The following KCNC4 variants were observed in gnomAD, a reference collection of about 807,000 sequenced individuals.
The protein encoded by KCNC4 is potassium voltage-gated channel subfamily C member 4, also known as voltage-gated potassium channel KCNC4.
Under a neutral mutation model 42.8 loss-of-function variants are expected in KCNC4, and 23 were observed. The observed-to-expected ratio is 0.54, with a 90% CI of 0.39 to 0.76. The LOEUF (loss-of-function observed/expected upper bound fraction) is 0.76, where lower values mean the gene tolerates loss of function less well. Among genes scored for constraint, KCNC4 ranks in the 30% least tolerant of loss-of-function variants. The pLI is 0.00. For synonymous variants in KCNC4, 422 were observed against 393.5 expected (o/e 1.07, Z -0.86); for missense variants, 751 against 898.2 (o/e 0.84, Z 2.10).
intron 3 of KCNC4, among the ~76,000 whole-genome samples, chr1:110,228,111 C>T (rs1035137379): frequency 6.6e-6 from 1 of 152,154 alleles, no homozygotes; most frequent in Non-Finnish European, 1.5e-5. Context: ...ACTTTCTCCA[C>T]GCCGTACCGT....
chr1:110,250,290 C>T (rs148070787), downstream of KCNC4, among the ~76,000 whole-genome samples: 3 of 152,306 alleles, frequency 2.0e-5, no homozygotes, highest in East Asian at 5.8e-4. Flanking sequence ...CCTCCATGTC[C>T]TCCAGGCTGC....
chr1:110,267,629 G>A (rs1356567756), intron 1 of KCNC4, among the ~76,000 whole-genome samples: 1 of 152,170 alleles, frequency 6.6e-6, no homozygotes, highest in East Asian at 1.9e-4. Flanking sequence ...CTTTTAGCAA[G>A]ATGCGAACCT....
chr1:110,268,231 C>CT (rs1171479199), intron 1 of KCNC4, among the ~76,000 whole-genome samples: 6 of 152,352 alleles, frequency 3.9e-5, no homozygotes, highest in Admixed American at 6.5e-5. Context: ...ACAAAGGCAG[C>CT]TTTAGACACC....
At chr1:110,260,052 G>C (rs1659398411) in intron 1 of KCNC4, among the ~76,000 whole-genome samples, 1 of 152,280 alleles carries the variant, frequency 6.6e-6, no homozygotes, top group African/African-American at 2.4e-5. Context: ...CTCTTTGACT[G>C]TTCATCTGTA....
chr1:110,212,218 A>G (rs1298350915), intron 1 of KCNC4, 41 bp downstream of exon 1: 1 of 1,418,008 alleles, frequency 7.1e-7, no homozygotes, highest in East Asian at 2.8e-5. Flanking sequence ...TTGGGTCTGC[A>G]AGGGGTCCGT....
intron 3 of KCNC4, chr1:110,232,332 G>C (rs1176493898): frequency 1.2e-6 from 2 of 1,609,222 alleles, no homozygotes; most frequent in Non-Finnish European, 1.7e-6. Context: ...GGCACGACAT[G>C]GCATCATACT....
chr1:110,279,522 A>G (rs535987207), intron 1 of KCNC4, among the ~76,000 whole-genome samples: 1 of 152,256 alleles, frequency 6.6e-6, no homozygotes, highest in Non-Finnish European at 1.5e-5. Context: ...ACTCCCTAAA[A>G]TTGGAATGGA....
intron 1 of KCNC4, among the ~76,000 whole-genome samples, chr1:110,278,244 C>CTAAA (rs1404279564): frequency 2.6e-5 from 4 of 152,126 alleles, no homozygotes; most frequent in African/African-American, 4.8e-5. Context: ...AAAGAACATA[C>CTAAA]TAAATGTCCC....
At position 110,214,287 on chromosome 1, in the gene KCNC4, T is replaced by A. The variant is rs560834624; in HGVS notation, c.678+2110T>A. ...AAGTTTCTTGCCAAAGACATTTAAC[T>A]AATAGCAGAGGCAGGAAACCACCCC... is the stretch of plus-strand genomic sequence containing the variant. On this transcript the variant is annotated intron_variant, in intron 1 of 3. Coordinates refer to ENST00000438661, the MANE Select transcript of KCNC4 (RefSeq NM_001039574.3). Among the ~76,000 whole-genome samples the A allele has an allele frequency of 5.3e-5, 8 of 152,324 alleles. No individual in the cohort carries two copies. In the South Asian group the frequency reaches 1.7e-3, roughly 32 times the overall value.
At chr1:110,252,236 G>C (rs1659261529), downstream of KCNC4, among the ~76,000 whole-genome samples, 1 of 152,234 alleles carries the variant, frequency 6.6e-6, no homozygotes. Context: ...TTCTGTGACT[G>C]TCAGTGTGCC....
chr1:110,269,112 A>G (rs1002113070), intron 1 of KCNC4, among the ~76,000 whole-genome samples: 4 of 152,166 alleles, frequency 2.6e-5, no homozygotes, highest in Non-Finnish European at 5.9e-5. Context: ...TCAGTCTGTG[A>G]CAGGGCCATC....
At chr1:110,237,872 C>T (rs1363299260), downstream of KCNC4, 1 of 152,322 alleles carries the variant, frequency 6.6e-6, no homozygotes, top group Non-Finnish European at 1.5e-5. Flanking sequence ...TGCCCACCCT[C>T]GTGGGGCTCC....
chr1:110,264,214 G>T (rs75976014), intron 1 of KCNC4, among the ~76,000 whole-genome samples: 1 of 152,012 alleles, frequency 6.6e-6, no homozygotes, highest in East Asian at 1.9e-4. Flanking sequence ...GCAAGGAGAC[G>T]GAGGTTACAG....
chr1:110,241,890 A>G (rs1352258867), exon 4 of KCNC4: 1 of 152,188 alleles, frequency 6.6e-6, no homozygotes, highest in Admixed American at 6.5e-5. Context: ...TTCCTTATTA[A>G]TGTTTTTACC....
At chr1:110,227,047 C>T (rs2101027475) in intron 3 of KCNC4, among the ~76,000 whole-genome samples, 1 of 152,280 alleles carries the variant, frequency 6.6e-6, no homozygotes, top group South Asian at 2.1e-4. Flanking sequence ...TTGCCCTGTC[C>T]CTGTTACCTA....
At chr1:110,217,094 G>T (rs551524084) in intron 1 of KCNC4, among the ~76,000 whole-genome samples, 79 of 152,182 alleles carry the variant, frequency 5.2e-4, no homozygotes, top group Non-Finnish European at 9.6e-4. Flanking sequence ...GAGTCAGAGG[G>T]GGCCATGCTC....
At chr1:110,251,735 G>A (rs1363827402), downstream of KCNC4, among the ~76,000 whole-genome samples, 2 of 152,174 alleles carry the variant, frequency 1.3e-5, no homozygotes, top group African/African-American at 4.8e-5. Flanking sequence ...ACATTAACTC[G>A]AATGGTCCTC....
At chr1:110,268,731 T>TTATTA (rs1357085846) in intron 1 of KCNC4, among the ~76,000 whole-genome samples, 2 of 129,318 alleles carry the variant, frequency 1.5e-5, no homozygotes, top group African/African-American at 5.7e-5. Context: ...TGAGATTTTA[T>TTATTA]TTTTTTTTTT....
rs150979037 is a variant in KCNC4 at position 110,223,770 on chromosome 1, C to T, written c.1485C>T (p.His495=). 2.0e-5 allele frequency: 32 copies of T among 1,614,028 alleles called. No individual in the cohort carries two copies. The highest frequency in any genetic ancestry group is 4.0e-5 in the African/African-American group (3 of 74,910). ...KQKLPKKRKK[H]VPRPAQLESP... ...AGCTGCCCAAGAAACGGAAGAAGCA[C>T]GTGCCACGGCCGGCGCAGCTGGAGT... Residue 495 remains histidine, a synonymous_variant, in exon 2 of 4, where the codon CAC becomes CAT. Transcript: ENST00000438661. The surrounding 1 kb of genome is among the most constrained non-coding windows in gnomAD (Gnocchi z 7.5).
Sources: gnomAD v4.1 joint callset for allele counts (sites outside exome capture counted in the v4.1 genomes callset) on GRCh38, gnomAD v4.1.1 for gene constraint, Gnocchi (gnomAD v3.1) non-coding constraint, MANE v1.5 for transcripts, NCBI Gene and HGNC (gene_info 2026-07-23, HGNC 2026-07-21) for gene names.